Variants in FANCA observed in about 807,000 individuals in gnomAD.
The protein encoded by FANCA is Fanconi anemia group A protein.
A neutral mutation model predicts 194.3 loss-of-function variants in FANCA; 236 were observed. The observed-to-expected ratio is 1.21, with a 90% CI of 1.09 to 1.35. The LOEUF is 1.35. FANCA is among the 40% of genes most tolerant of loss of function. The pLI is 0.00. For synonymous variants in FANCA, 1,014 were observed against 715.8 expected (o/e 1.42, Z -6.65); for missense variants, 2,628 against 1,813.9 (o/e 1.45, Z -8.15).
chr16:89,783,361 TA>T (rs1404113512), intron 15 of FANCA, among the ~76,000 whole-genome samples: 2 of 151,766 alleles, frequency 1.3e-5, no homozygotes, highest in Non-Finnish European at 2.9e-5. Flanking sequence ...CCATCCTGGC[TA>T]ACATGGTGAA....
intron 6 of FANCA, among the ~76,000 whole-genome samples, chr16:89,806,396 G>C (rs2040647866): frequency 7.2e-6 from 1 of 138,076 alleles, no homozygotes; most frequent in Non-Finnish European, 1.5e-5. Flanking sequence ...GTTTCTCGCA[G>C]AGGGGGATTT....
chr16:89,795,376 C>G (rs2040209070), intron 11 of FANCA, among the ~76,000 whole-genome samples: 10 of 151,874 alleles, frequency 6.6e-5, no homozygotes, highest in Admixed American at 4.6e-4. Context: ...CACCTGTAAT[C>G]CCAACACTTC....
chr16:89,802,157 T>A (rs988059778), intron 8 of FANCA, among the ~76,000 whole-genome samples: 2 of 151,946 alleles, frequency 1.3e-5, no homozygotes, highest in Admixed American at 6.6e-5. Context: ...CAGGCTAGAG[T>A]GCAAGGCGCA....
At chr16:89,793,453 T>C (rs1396021838) in intron 11 of FANCA, among the ~76,000 whole-genome samples, 3 of 152,226 alleles carry the variant, frequency 2.0e-5, no homozygotes, top group African/African-American at 4.8e-5. Context: ...AAACAGTAAT[T>C]ACTACCAACT....
intron 18 of FANCA, 131 bp downstream of exon 18, chr16:89,779,738 C>A: frequency 1.3e-6 from 1 of 787,282 alleles, no homozygotes. Context: ...GAGCCCCAGA[C>A]GCTGGCAGGC....
At chr16:89,810,857 G>A in intron 4 of FANCA, 55 bp from the exon 5 acceptor site, 1 of 1,612,284 alleles carries the variant, frequency 6.2e-7, no homozygotes. Context: ...CAATACTAAA[G>A]CTATGTCCTA....
Position 89,771,806 on chromosome 16 carries a change from C to A in FANCA, c.2023G>T (p.Ala675Ser), listed in dbSNP as rs752701423. 1 of 1,613,862 alleles carries A rather than the reference C, an allele frequency of 6.2e-7. No individual in the cohort carries two copies. Among genetic ancestry groups the A allele is most frequent in the Non-Finnish European group, 8.5e-7 (1 of 1,180,032 alleles). Residue 675 changes from alanine (A) to serine (S), a missense_variant, in exon 23 of 43, where the codon GCA becomes TCA. Ala to Ser is a moderately conservative substitution (Grantham distance 99, BLOSUM62 1). Transcript: ENST00000389301. ...TDPSQRDVIS[A>S]QVAVISERLR... is the part of the protein sequence containing the mutation. ...CTTTCAGAAATCACTGCCACCTGTG[C>A]CGATATAACTGCGAAGGAAGAAACT... is the stretch of plus-strand genomic sequence containing the variant.
At chr16:89,789,119 C>G (rs547310107) in intron 14 of FANCA, among the ~76,000 whole-genome samples, 1 of 152,128 alleles carries the variant, frequency 6.6e-6, no homozygotes, top group East Asian at 1.9e-4. Flanking sequence ...AGAACAAACA[C>G]CTCTCCTCTT....
Position 89,787,507 on chromosome 16 carries a change from C to T in FANCA, c.1360-2543G>A, listed in dbSNP as rs146986891. ...TGCACTCCAGCCTGGGCAACAAGAG[C>T]GAACTCCATCTTAAAAAAACAAAAA... On this transcript the variant is annotated intron_variant, in intron 14 of 42. Transcript: ENST00000389301. Among the ~76,000 whole-genome samples, 763 of 151,704 alleles carry T rather than the reference C, an allele frequency of 5.0e-3. 10 individuals are homozygous for T. Among genetic ancestry groups the T allele is most frequent in the African/African-American group, 0.017 (718 of 41,374 alleles).
chr16:89,783,856 C>T (rs923816093), intron 15 of FANCA, among the ~76,000 whole-genome samples: 7 of 151,952 alleles, frequency 4.6e-5, no homozygotes, highest in Admixed American at 2.0e-4. Flanking sequence ...CTCCGCCTCC[C>T]GGGTTCAAGC....
At chr16:89,779,104 C>T in intron 18 of FANCA, 101 bp from the exon 19 acceptor site, 1 of 1,089,244 alleles carries the variant, frequency 9.2e-7, no homozygotes, top group South Asian at 1.3e-5. Context: ...CGAGGGCTCA[C>T]TCCAAAGCCA....
Position 89,756,597 on chromosome 16 carries a change from G to A in FANCA, c.2981+1980C>T, listed in dbSNP as rs572517356. 4.4e-4 allele frequency among the ~76,000 whole-genome samples: 66 copies of A among 151,210 alleles called. No homozygotes were observed. In the South Asian group the frequency reaches 0.012, roughly 27 times the overall value. On this transcript the variant is annotated intron_variant, in intron 30 of 42. Transcript: ENST00000389301. ...CTGCAGTCACTGTACCCCAGCCTGG[G>A]TGACAAAGAAAGACCCAGTTTCAAA...
At chr16:89,798,264 T>A (rs1262824905) in intron 10 of FANCA, 1 of 884,118 alleles carries the variant, frequency 1.1e-6, no homozygotes, top group African/African-American at 1.8e-5. Flanking sequence ...ACTTCCAGCC[T>A]CCACTGCTGT....
intron 1 of FANCA, 77 bp downstream of exon 1, chr16:89,816,460 G>A: frequency 2.3e-6 from 3 of 1,310,476 alleles, no homozygotes; most frequent in Non-Finnish European, 3.0e-6. Context: ...AGGCTCTGGC[G>A]GGAAGGGATC....
chr16:89,783,388 A>G (rs1352007137), intron 15 of FANCA, among the ~76,000 whole-genome samples: 1 of 151,844 alleles, frequency 6.6e-6, no homozygotes, highest in African/African-American at 2.4e-5. Flanking sequence ...GTCTCTACTA[A>G]AAATACAAAA....
Position 89,737,566 on chromosome 16 carries a change from T to C in FANCA, c.*1035A>G. On this transcript the variant is annotated 3_prime_UTR_variant, in exon 43 of 43. Coordinates refer to ENST00000389301, the MANE Select transcript of FANCA (RefSeq NM_000135.4). ...ATCTGTGGTTAAGGAAATAGCTTTCTGAGGTTTCTTTAAAAACCATCCTGA... is the reference window on the plus strand; with the variant it reads ...ATCTGTGGTTAAGGAAATAGCTTTCCGAGGTTTCTTTAAAAACCATCCTGA... The C allele has an allele frequency of 1.6e-6, 1 of 623,122 alleles. No individual in the cohort carries two copies. Among genetic ancestry groups the C allele is most frequent in the East Asian group, 3.2e-5 (1 of 30,984 alleles). 38.6% of individuals were successfully genotyped at this position (623,122 alleles called of 1,614,324 possible).
intron 28 of FANCA, among the ~76,000 whole-genome samples, chr16:89,763,558 G>A (rs2039022702): frequency 6.6e-6 from 1 of 152,084 alleles, no homozygotes; most frequent in Admixed American, 6.6e-5. Flanking sequence ...ACTGGTGAGA[G>A]CAATGCCAGC....
chr16:89,789,544 A>C (rs1248577512), intron 14 of FANCA, among the ~76,000 whole-genome samples: 2 of 149,402 alleles, frequency 1.3e-5, no homozygotes, highest in Admixed American at 6.8e-5. Flanking sequence ...CGGCTTAAGT[A>C]ATCATCCTGC....
intron 32 of FANCA, 50 bp downstream of exon 32, chr16:89,749,680 G>C (rs2038512219): frequency 1.3e-6 from 2 of 1,578,116 alleles, no homozygotes. Flanking sequence ...GTCATGAGAT[G>C]CTGCCCTGCC....
Sources: gnomAD v4.1 joint callset for allele counts (sites outside exome capture counted in the v4.1 genomes callset) on GRCh38, gnomAD v4.1.1 for gene constraint, MANE v1.5 for transcripts, NCBI Gene and HGNC (gene_info 2026-07-23, HGNC 2026-07-21) for gene names.